The following NTRK2 variants were observed in gnomAD, a reference collection of about 807,000 sequenced individuals.
NTRK2 encodes BDNF/NT-3 growth factors receptor.
Under a neutral mutation model 94.5 loss-of-function variants are expected in NTRK2, and 13 were observed. That is an observed-to-expected ratio of 0.14 (90% CI 0.09 to 0.22). The LOEUF (loss-of-function observed/expected upper bound fraction) is 0.22, where lower values mean the gene tolerates loss of function less well. Ranked by LOEUF, NTRK2 falls within the 10% of genes least tolerant of loss-of-function variation. The probability of loss-of-function intolerance (pLI) is 1.00; values close to 1 mark genes in which losing one functional copy is unlikely to be tolerated. For missense variants in NTRK2, 639 were observed against 1,071.2 expected, an observed-to-expected ratio of 0.60 and a Z score of 5.63; for synonymous variants, 372 against 407.4, an observed-to-expected ratio of 0.91 and a Z score of 1.05.
intron 8 of NTRK2, among the ~76,000 whole-genome samples, chr9:84,726,902 G>A (rs1293233421): frequency 6.6e-6 from 1 of 152,164 alleles, no homozygotes; most frequent in East Asian, 1.9e-4. Context: ...ACTTGATAAT[G>A]TTTGTTTCCC....
At chr9:85,000,277 G>C (rs1266354313) in intron 17 of NTRK2, among the ~76,000 whole-genome samples, 1 of 152,068 alleles carries the variant, frequency 6.6e-6, no homozygotes, top group Admixed American at 6.6e-5. Flanking sequence ...CTTACATTAA[G>C]GTTCACTCTT....
At chr9:84,687,843 A>G (rs1478783288) in intron 2 of NTRK2, among the ~76,000 whole-genome samples, 3 of 151,950 alleles carry the variant, frequency 2.0e-5, no homozygotes, top group Non-Finnish European at 2.9e-5. Flanking sequence ...TACCTTTTAT[A>G]TGGTCTGTTT....
intron 14 of NTRK2, among the ~76,000 whole-genome samples, chr9:84,918,951 A>G (rs2132555211): frequency 6.6e-6 from 1 of 152,146 alleles, no homozygotes; most frequent in Non-Finnish European, 1.5e-5. Flanking sequence ...CCATTCCCTC[A>G]TTAAGGAACC....
At chr9:84,878,970 C>G (rs970781160) in intron 14 of NTRK2, among the ~76,000 whole-genome samples, 1 of 152,186 alleles carries the variant, frequency 6.6e-6, no homozygotes, top group Non-Finnish European at 1.5e-5. Flanking sequence ...GAGATGCAGT[C>G]CCCTGTCTCC....
chr9:84,798,165 C>G (rs1207234970), intron 12 of NTRK2, among the ~76,000 whole-genome samples: 1 of 151,756 alleles, frequency 6.6e-6, no homozygotes, highest in African/African-American at 2.4e-5. Context: ...GGCACCTTCT[C>G]ATTGTGTCTT....
At chr9:84,993,693 G>A (rs1454322652) in intron 17 of NTRK2, among the ~76,000 whole-genome samples, 1 of 152,176 alleles carries the variant, frequency 6.6e-6, no homozygotes, top group South Asian at 2.1e-4. Context: ...CATCCTGCAT[G>A]TCCTGGTTCA....
chr9:84,811,433 G>A (rs1308499500), intron 12 of NTRK2: 5 of 1,065,774 alleles, frequency 4.7e-6, no homozygotes, highest in Admixed American at 5.3e-5. Context: ...ATATGCATAT[G>A]GTGAAATTAT....
rs185362757 is a variant in NTRK2, at chr9:84,774,200, T to A, written c.1396+22115T>A. 2.6e-5 allele frequency among the ~76,000 whole-genome samples: 4 copies of A among 152,322 alleles called. No homozygotes were observed. The East Asian group carries it at 7.7e-4, about 29-fold the overall frequency. ...AGTCACTGGGAGGGGATATTCAGGC[T>A]TCAATGGAGGGGACTGGACCCATAT... On this transcript the variant is annotated intron_variant, in intron 12 of 18. Transcript: ENST00000277120.
At chr9:84,857,832 C>A (rs1587703547) in intron 12 of NTRK2, among the ~76,000 whole-genome samples, 1 of 152,122 alleles carries the variant, frequency 6.6e-6, no homozygotes, top group Admixed American at 6.6e-5. Flanking sequence ...TCAGATTGAT[C>A]TATGGGCTCT....
At chr9:84,907,541 T>C (rs933945206) in intron 14 of NTRK2, among the ~76,000 whole-genome samples, 2 of 152,214 alleles carry the variant, frequency 1.3e-5, no homozygotes, top group Non-Finnish European at 2.9e-5. Flanking sequence ...TTTTTGTGCC[T>C]GCCTGGCAAA....
chr9:85,002,131 G>A (rs1024652407), intron 17 of NTRK2, among the ~76,000 whole-genome samples: 1 of 152,120 alleles, frequency 6.6e-6, no homozygotes, highest in African/African-American at 2.4e-5. Context: ...TCCCCTTGCA[G>A]TACTGCCTCA....
intron 12 of NTRK2, among the ~76,000 whole-genome samples, chr9:84,827,387 A>G (rs10780687): frequency 0.36 from 54,831 of 152,012 alleles, 10,420 homozygotes; most frequent in African/African-American, 0.49. Flanking sequence ...GGGTGAGAAA[A>G]GCAAAGTACT....
At chr9:84,984,470 TCAAACAAA>T (rs373772830) in intron 17 of NTRK2, among the ~76,000 whole-genome samples, 9 of 149,496 alleles carry the variant, frequency 6.0e-5, no homozygotes, top group African/African-American at 1.0e-4. Flanking sequence ...AGACTATATC[TCAAACAAA>T]CAAACAAACA....
At chr9:84,810,421 G>T (rs1444681688) in intron 12 of NTRK2, 1 of 941,464 alleles carries the variant, frequency 1.1e-6, no homozygotes, top group African/African-American at 1.6e-5. Flanking sequence ...TGTATTCCAT[G>T]TTGTGTCTCA....
At chr9:84,763,073 T>C (rs1224160751) in intron 12 of NTRK2, among the ~76,000 whole-genome samples, 1 of 152,174 alleles carries the variant, frequency 6.6e-6, no homozygotes, top group Non-Finnish European at 1.5e-5. Context: ...TTTGCAGCTT[T>C]GGGGACATGG....
At chr9:84,798,935 TA>T (rs774156291) in intron 12 of NTRK2, among the ~76,000 whole-genome samples, 6,900 of 114,558 alleles carry the variant, frequency 0.06, 267 homozygotes, top group East Asian at 0.2. Context: ...TATATATATA[TA>T]TATATGCTTA....
chr9:84,851,632 T>A (rs977210839), intron 12 of NTRK2, among the ~76,000 whole-genome samples: 7 of 152,098 alleles, frequency 4.6e-5, no homozygotes, highest in Admixed American at 1.3e-4. Flanking sequence ...AGGGAGACAA[T>A]GGGTCACTAA....
chr9:84,795,219 A>G (rs1416350324), intron 12 of NTRK2, among the ~76,000 whole-genome samples: 1 of 152,104 alleles, frequency 6.6e-6, no homozygotes, highest in Non-Finnish European at 1.5e-5. Flanking sequence ...ATCTACTGAA[A>G]CCTACTTTGT....
At chr9:84,677,456 G>A (rs2131352661) in intron 2 of NTRK2, among the ~76,000 whole-genome samples, 1 of 152,224 alleles carries the variant, frequency 6.6e-6, no homozygotes, top group East Asian at 1.9e-4. Context: ...ACCCTTCTGA[G>A]ACATATTTTT....
Sources: gnomAD v4.1 joint callset for allele counts (sites outside exome capture counted in the v4.1 genomes callset) on GRCh38, gnomAD v4.1.1 for gene constraint, MANE v1.5 for transcripts, NCBI Gene and HGNC (gene_info 2026-07-23, HGNC 2026-07-21) for gene names.